The following PCDH9 variants were observed in gnomAD, a reference collection of about 807,000 sequenced individuals.
PCDH9 encodes protocadherin 9, also known as protocadherin-9.
A neutral mutation model predicts 70.6 loss-of-function variants in PCDH9; 24 were observed. The observed-to-expected ratio is 0.34, with a 90% CI of 0.25 to 0.48. The LOEUF (loss-of-function observed/expected upper bound fraction) is 0.48, where lower values mean the gene tolerates loss of function less well. PCDH9 is among the 20% of genes least tolerant of loss of function. The pLI is 0.99. For missense variants in PCDH9, 1,281 were observed against 1,503.6 expected, an observed-to-expected ratio of 0.85 and a Z score of 2.45; for synonymous variants, 562 against 558.5, an observed-to-expected ratio of 1.01 and a Z score of -0.09.
intron 4 of PCDH9, among the ~76,000 whole-genome samples, chr13:66,365,643 TAGAGA>T (rs1956542083): frequency 6.6e-6 from 1 of 152,180 alleles, no homozygotes; most frequent in Non-Finnish European, 1.5e-5. Context: ...AGTTAAAAAG[TAGAGA>T]AAAGTTATCA....
intron 3 of PCDH9, among the ~76,000 whole-genome samples, chr13:66,794,710 T>C (rs1215121758): frequency 6.6e-6 from 1 of 152,180 alleles, no homozygotes; most frequent in East Asian, 1.9e-4. Context: ...AATACTGTAT[T>C]GCAGCCTGTT....
intron 4 of PCDH9, among the ~76,000 whole-genome samples, chr13:66,543,698 CAT>C (rs1961063717): frequency 6.6e-6 from 1 of 152,010 alleles, no homozygotes; most frequent in South Asian, 2.1e-4. Flanking sequence ...TTGAATTAAA[CAT>C]ATTTAAAAAG....
At chr13:66,491,760 C>A (rs1168542610) in intron 4 of PCDH9, among the ~76,000 whole-genome samples, 1 of 152,026 alleles carries the variant, frequency 6.6e-6, no homozygotes, top group Non-Finnish European at 1.5e-5. Context: ...GTTTTTAATG[C>A]AGGTTTTTAT....
At chr13:66,359,658 T>A (rs1222623409) in intron 4 of PCDH9, among the ~76,000 whole-genome samples, 8 of 152,066 alleles carry the variant, frequency 5.3e-5, no homozygotes, top group Non-Finnish European at 8.8e-5. Flanking sequence ...AGTAACATAG[T>A]GGCAAATCTA....
At chr13:66,889,545 T>C (rs1021487619) in intron 3 of PCDH9, among the ~76,000 whole-genome samples, 12 of 152,146 alleles carry the variant, frequency 7.9e-5, no homozygotes, top group Non-Finnish European at 1.8e-4. Context: ...GAGAAACACT[T>C]ATGATTCCTG....
chr13:66,799,819 G>C (rs2080298553), intron 3 of PCDH9, among the ~76,000 whole-genome samples: 1 of 152,066 alleles, frequency 6.6e-6, no homozygotes, highest in Admixed American at 6.6e-5. Flanking sequence ...GTGGGCTTTT[G>C]GCAATCTAAT....
At chr13:66,447,696 T>C (rs1237160310) in intron 4 of PCDH9, among the ~76,000 whole-genome samples, 1 of 152,190 alleles carries the variant, frequency 6.6e-6, no homozygotes, top group African/African-American at 2.4e-5. Context: ...AAAGCTAATC[T>C]GTTTATTAGA....
chr13:67,096,068 C>A (rs1018943357), intron 2 of PCDH9, among the ~76,000 whole-genome samples: 1 of 152,080 alleles, frequency 6.6e-6, no homozygotes, highest in Admixed American at 6.6e-5. Flanking sequence ...TAGTTAATAT[C>A]TTATAGAAAA....
rs193176129 is a variant in PCDH9 at position 66,814,572 on chromosome 13, C to A, written c.3138+88932G>T. ...ACAATCTTGGTTTGATGCACACACA[C>A]AAAAAACTTAACGTTTATCTCTCTG... On this transcript the variant is annotated intron_variant, in intron 3 of 4. Coordinates refer to ENST00000377865, the MANE Select transcript of PCDH9 (RefSeq NM_203487.3). 7.9e-4 allele frequency among the ~76,000 whole-genome samples: 120 copies of A among 152,180 alleles called. 1 individual carries two copies. In the East Asian group the frequency reaches 0.011, roughly 13 times the overall value.
intron 2 of PCDH9, among the ~76,000 whole-genome samples, chr13:67,191,350 C>T (rs918225846): frequency 1.3e-5 from 2 of 151,918 alleles, no homozygotes; most frequent in African/African-American, 4.8e-5. Flanking sequence ...TTTTGTTGAT[C>T]CCAGGTACTA....
intron 3 of PCDH9, among the ~76,000 whole-genome samples, chr13:66,719,403 G>T (rs2078912553): frequency 6.6e-6 from 1 of 152,154 alleles, no homozygotes; most frequent in African/African-American, 2.4e-5. Context: ...CTGCCCTCAT[G>T]AGTGAGATTA....
At chr13:66,311,291 C>A (rs1404652035) in intron 4 of PCDH9, among the ~76,000 whole-genome samples, 2 of 151,904 alleles carry the variant, frequency 1.3e-5, no homozygotes, top group Admixed American at 1.3e-4. Context: ...AATACTAACA[C>A]AACAAAATTT....
At chr13:67,149,411 T>G (rs1382508940) in intron 2 of PCDH9, among the ~76,000 whole-genome samples, 1 of 152,082 alleles carries the variant, frequency 6.6e-6, no homozygotes. Flanking sequence ...AAAGGTGTGA[T>G]GAGAATTCAA....
chr13:66,813,412 G>A (rs182235141), intron 3 of PCDH9, among the ~76,000 whole-genome samples: 2 of 151,596 alleles, frequency 1.3e-5, no homozygotes, highest in Non-Finnish European at 2.9e-5. Context: ...TTTGTTGAAT[G>A]TGTAAATGAA....
intron 2 of PCDH9, among the ~76,000 whole-genome samples, chr13:67,051,266 C>T (rs773858398): frequency 2.1e-4 from 32 of 151,736 alleles, no homozygotes; most frequent in Non-Finnish European, 3.8e-4. Context: ...AATCATGAAG[C>T]TAGTTTGAAA....
intron 3 of PCDH9, among the ~76,000 whole-genome samples, chr13:66,700,931 T>TATATAA (rs1173911335): frequency 2.5e-4 from 19 of 75,266 alleles, no homozygotes; most frequent in Admixed American, 1.2e-4. Flanking sequence ...TAAATATATA[T>TATATAA]ATATATATAT....
At chr13:67,181,821 G>C (rs1384338550) in intron 2 of PCDH9, among the ~76,000 whole-genome samples, 1 of 152,102 alleles carries the variant, frequency 6.6e-6, no homozygotes, top group Non-Finnish European at 1.5e-5. Context: ...CAAGATACAA[G>C]CAATACCTAT....
At chr13:66,819,542 T>G (rs9540923) in intron 3 of PCDH9, among the ~76,000 whole-genome samples, 87,563 of 151,852 alleles carry the variant, frequency 0.58, 25,442 homozygotes, top group South Asian at 0.66. Flanking sequence ...CATTGGACTT[T>G]CAGGGAGTCC....
At chr13:66,651,385 A>G (rs2077849667) in intron 3 of PCDH9, among the ~76,000 whole-genome samples, 1 of 152,058 alleles carries the variant, frequency 6.6e-6, no homozygotes, top group African/African-American at 2.4e-5. Flanking sequence ...CTATGTGCCA[A>G]TAAATTGGAA....
Sources: allele counts gnomAD v4.1 joint callset (sites outside exome capture counted in the v4.1 genomes callset), GRCh38; gene constraint gnomAD v4.1.1; transcripts MANE v1.5; gene names NCBI Gene and HGNC (gene_info 2026-07-23, HGNC 2026-07-21).